The following PMM2 variants were observed in gnomAD, a reference collection of about 807,000 sequenced individuals.
PMM2 encodes mannose-6-phosphate isomerase.
Under a neutral mutation model 33.2 loss-of-function variants are expected in PMM2, and 35 were observed. That is an observed-to-expected ratio of 1.06 (90% CI 0.81 to 1.40). The LOEUF (loss-of-function observed/expected upper bound fraction) is 1.40. PMM2 is among the 40% of genes most tolerant of loss of function. PMM2 has a pLI of 0.00. For missense variants in PMM2, 386 were observed against 306.0 expected, an observed-to-expected ratio of 1.26 and a Z score of -1.95; for synonymous variants, 153 against 114.7, an observed-to-expected ratio of 1.33 and a Z score of -2.13.
chr16:8,847,876 T>A lies in PMM2; in HGVS notation c.*51T>A. 1 of 1,416,578 alleles carries A rather than the reference T, an allele frequency of 7.1e-7. No individual in the cohort carries two copies. Among genetic ancestry groups the A allele is most frequent in the South Asian group, 1.1e-5 (1 of 87,108 alleles). 87.8% of individuals were successfully genotyped at this position (1,416,578 alleles called of 1,614,324 possible). ...CGGCTGACAAGCCAGCATAGGGCAT[T>A]CGGTGGCCAGAGCCGAGGGTCCTCC... is the stretch of plus-strand genomic sequence containing the variant. On this transcript the variant is annotated 3_prime_UTR_variant, in exon 8 of 8. Coordinates refer to ENST00000268261, the MANE Select transcript of PMM2 (RefSeq NM_000303.3).
chr16:8,840,995 G>A (rs971190604), intron 7 of PMM2, among the ~76,000 whole-genome samples: 6 of 152,010 alleles, frequency 3.9e-5, no homozygotes, highest in Admixed American at 6.5e-5. Flanking sequence ...AAGAAAGTGC[G>A]TCCATATAAA....
At chr16:8,803,683 T>A (rs763979915) in intron 2 of PMM2, among the ~76,000 whole-genome samples, 57 of 152,074 alleles carry the variant, frequency 3.7e-4, no homozygotes, top group Non-Finnish European at 7.8e-4. Flanking sequence ...TTTTTAAAAT[T>A]TATTTTATTT....
At chr16:8,800,921 G>C (rs1421422885) in intron 1 of PMM2, among the ~76,000 whole-genome samples, 3 of 152,202 alleles carry the variant, frequency 2.0e-5, no homozygotes, top group African/African-American at 7.2e-5. Flanking sequence ...GACCTCAGGT[G>C]ATCCACCCGC....
At chr16:8,838,928 A>C (rs2060871087) in intron 7 of PMM2, among the ~76,000 whole-genome samples, 1 of 151,990 alleles carries the variant, frequency 6.6e-6, no homozygotes, top group Non-Finnish European at 1.5e-5. Context: ...AACAGTGAGT[A>C]AGCAAGGCCT....
At chr16:8,840,454 T>C (rs141403256) in intron 7 of PMM2, among the ~76,000 whole-genome samples, 1,713 of 151,924 alleles carry the variant, frequency 0.011, 33 homozygotes, top group African/African-American at 0.039. Flanking sequence ...AATAGGAGTA[T>C]GACCAGACAG....
chr16:8,799,864 C>T (rs1272364105), intron 1 of PMM2, among the ~76,000 whole-genome samples: 2 of 152,122 alleles, frequency 1.3e-5, no homozygotes, highest in Admixed American at 1.3e-4. Context: ...GCCACTCCTC[C>T]AATTCTAGAT....
At chr16:8,820,600 C>T (rs142906950) in intron 7 of PMM2, among the ~76,000 whole-genome samples, 8,372 of 152,192 alleles carry the variant, frequency 0.055, 280 homozygotes, top group Middle Eastern at 0.14. Flanking sequence ...GTGATCCGCC[C>T]ACCTTGGCCT....
chr16:8,804,040 T>TTTTTGG (rs1433152418), intron 2 of PMM2, among the ~76,000 whole-genome samples: 1 of 70,302 alleles, frequency 1.4e-5, no homozygotes, highest in Non-Finnish European at 3.0e-5. Context: ...TGTTTTTTTT[T>TTTTTGG]TTTTTTTTTT....
chr16:8,844,595 T>A (rs926715693), intron 7 of PMM2, among the ~76,000 whole-genome samples: 2 of 152,232 alleles, frequency 1.3e-5, no homozygotes, highest in African/African-American at 4.8e-5. Flanking sequence ...CTAAGGGTTA[T>A]GGACCAAGGC....
intron 7 of PMM2, among the ~76,000 whole-genome samples, chr16:8,841,175 C>T (rs11074947): frequency 0.94 from 141,922 of 150,330 alleles, 67,181 homozygotes; most frequent in East Asian, 0.97. Context: ...AGATTGAGGA[C>T]TGTAAGGGAT....
intron 7 of PMM2, among the ~76,000 whole-genome samples, chr16:8,838,884 CTTCAT>C (rs1252024810): frequency 6.6e-6 from 1 of 151,784 alleles, no homozygotes; most frequent in Admixed American, 6.6e-5. Flanking sequence ...AAACAACACT[CTTCAT>C]TTAAGAATAT....
intron 2 of PMM2, 80 bp downstream of exon 2, chr16:8,801,990 C>T (rs2060619382): frequency 1.0e-6 from 1 of 1,001,720 alleles, no homozygotes; most frequent in Admixed American, 1.9e-5. Context: ...CATAGGCTGC[C>T]CTAAAACCTT....
chr16:8,846,227 C>T (rs1399407633), intron 7 of PMM2, among the ~76,000 whole-genome samples: 1 of 152,150 alleles, frequency 6.6e-6, no homozygotes, highest in Non-Finnish European at 1.5e-5. Flanking sequence ...GGGATAGGTT[C>T]TTGCAAAAAT....
chr16:8,837,023 G>T (rs940631510), intron 7 of PMM2, among the ~76,000 whole-genome samples: 1 of 152,046 alleles, frequency 6.6e-6, no homozygotes, highest in African/African-American at 2.4e-5. Flanking sequence ...TGGAGGAGCG[G>T]AGGCTGAGGA....
chr16:8,819,350 A>G (rs2060724431), intron 7 of PMM2, among the ~76,000 whole-genome samples: 2 of 152,208 alleles, frequency 1.3e-5, no homozygotes, highest in Admixed American at 6.5e-5. Context: ...ATTTTTGTCT[A>G]AAGAGGGCAA....
At chr16:8,836,396 G>A (rs11648910) in intron 7 of PMM2, among the ~76,000 whole-genome samples, 140,934 of 151,952 alleles carry the variant, frequency 0.93, 65,639 homozygotes, top group East Asian at 0.97. Context: ...ATGGGGTCCC[G>A]CACAGATGGG....
intron 2 of PMM2, 103 bp from the exon 3 acceptor site, chr16:8,804,664 T>G: frequency 1.3e-6 from 1 of 787,264 alleles, no homozygotes; most frequent in Non-Finnish European, 2.3e-6. Context: ...TCACAGTCCT[T>G]GCTGGAGTTT....
At chr16:8,830,056 TACAGTTACA>T (rs1294796500) in intron 7 of PMM2, among the ~76,000 whole-genome samples, 1 of 152,186 alleles carries the variant, frequency 6.6e-6, no homozygotes, top group Non-Finnish European at 1.5e-5. Flanking sequence ...GTGATGGGGC[TACAGTTACA>T]GGACGTCTCC....
At chr16:8,843,791 A>G (rs2060906340) in intron 7 of PMM2, among the ~76,000 whole-genome samples, 3 of 152,166 alleles carry the variant, frequency 2.0e-5, no homozygotes, top group Admixed American at 2.0e-4. Context: ...TAAAATGTAT[A>G]TTGAGAATAA....
Sources: gnomAD v4.1 joint callset for allele counts (sites outside exome capture counted in the v4.1 genomes callset) on GRCh38, gnomAD v4.1.1 for gene constraint, MANE v1.5 for transcripts, NCBI Gene and HGNC (gene_info 2026-07-23, HGNC 2026-07-21) for gene names.